MEGF11: variants seen among roughly 807,000 people sequenced by gnomAD.
The protein encoded by MEGF11 is multiple epidermal growth factor-like domains protein 11.
MEGF11 carries 126 observed loss-of-function variants against 146.6 expected under a neutral mutation model. The observed-to-expected ratio is 0.86, with a 90% CI of 0.74 to 1.00. The LOEUF (loss-of-function observed/expected upper bound fraction) is 1.00. Ranked by LOEUF, MEGF11 falls within the 50% of genes least tolerant of loss-of-function variation. The pLI is 0.00. For missense variants in MEGF11, 1,509 were observed against 1,521.2 expected, an observed-to-expected ratio of 0.99 and a Z score of 0.13; for synonymous variants, 532 against 583.4, an observed-to-expected ratio of 0.91 and a Z score of 1.27.
chr15:66,158,073 C>T (rs866800873), intron 1 of MEGF11, among the ~76,000 whole-genome samples: 3 of 152,136 alleles, frequency 2.0e-5, no homozygotes, highest in Admixed American at 2.0e-4. Context: ...TGTTCACTTG[C>T]GTGAATGACT....
At chr15:66,170,896 C>T (rs1486980971) in intron 1 of MEGF11, among the ~76,000 whole-genome samples, 1 of 152,200 alleles carries the variant, frequency 6.6e-6, no homozygotes, top group Non-Finnish European at 1.5e-5. Flanking sequence ...GGCTCACTCC[C>T]CACCAGGGCA....
At chr15:66,102,306 G>C (rs993458990) in intron 4 of MEGF11, among the ~76,000 whole-genome samples, 5 of 150,184 alleles carry the variant, frequency 3.3e-5, no homozygotes, top group African/African-American at 1.2e-4. Context: ...GCATGTCCTA[G>C]AGCAAGCAGA....
chr15:66,152,751 G>A (rs892715023), intron 1 of MEGF11, among the ~76,000 whole-genome samples: 1 of 152,226 alleles, frequency 6.6e-6, no homozygotes, highest in Non-Finnish European at 1.5e-5. Context: ...TGTGGCCTGT[G>A]GATGCACATG....
chr15:65,992,450 T>TTTG (rs1555459370), intron 5 of MEGF11, among the ~76,000 whole-genome samples: 2 of 126,554 alleles, frequency 1.6e-5, no homozygotes, highest in African/African-American at 6.1e-5. Context: ...TGTGTGTGTG[T>TTTG]GGGGGGGGGG....
chr15:65,925,699 T>C (rs924583419), intron 13 of MEGF11, among the ~76,000 whole-genome samples: 3 of 152,080 alleles, frequency 2.0e-5, no homozygotes, highest in African/African-American at 7.2e-5. Flanking sequence ...TTTTCAGGAC[T>C]CCTCCCCACC....
At chr15:66,103,182 C>T (rs2140783789) in intron 4 of MEGF11, among the ~76,000 whole-genome samples, 1 of 152,342 alleles carries the variant, frequency 6.6e-6, no homozygotes, top group African/African-American at 2.4e-5. Flanking sequence ...CCGGCAGCTG[C>T]AGCCATATCC....
At chr15:66,250,169 T>G (rs2092351260) in intron 1 of MEGF11, among the ~76,000 whole-genome samples, 1 of 152,206 alleles carries the variant, frequency 6.6e-6, no homozygotes, top group Non-Finnish European at 1.5e-5. Flanking sequence ...TGGCAGAAGA[T>G]CTGCACAGCA....
intron 13 of MEGF11, among the ~76,000 whole-genome samples, chr15:65,927,508 A>G (rs2079413316): frequency 6.6e-6 from 1 of 152,230 alleles, no homozygotes; most frequent in Admixed American, 6.5e-5. Flanking sequence ...TTTAAGTACC[A>G]CAATAGGAAA....
At chr15:66,068,329 G>A (rs1256936872) in intron 5 of MEGF11, among the ~76,000 whole-genome samples, 1 of 152,134 alleles carries the variant, frequency 6.6e-6, no homozygotes, top group Non-Finnish European at 1.5e-5. Flanking sequence ...TTTGAAGTGG[G>A]ATAACCCTTG....
chr15:65,964,056 C>T (rs1210674363), intron 9 of MEGF11, among the ~76,000 whole-genome samples: 1 of 152,242 alleles, frequency 6.6e-6, no homozygotes, highest in Non-Finnish European at 1.5e-5. Context: ...GCTCCCCTGA[C>T]CTTCATCACC....
At chr15:66,124,067 G>A in intron 2 of MEGF11, 67 bp from the exon 3 acceptor site, 3 of 1,322,390 alleles carry the variant, frequency 2.3e-6, no homozygotes, top group Non-Finnish European at 2.2e-6. Flanking sequence ...ATTCCGCAGG[G>A]CATCTGAGCC....
At chr15:66,213,598 T>G (rs2091514414) in intron 1 of MEGF11, among the ~76,000 whole-genome samples, 1 of 144,386 alleles carries the variant, frequency 6.9e-6, no homozygotes, top group East Asian at 2.0e-4. Flanking sequence ...TTTTTTTTTG[T>G]AGAGAAGGGG....
chr15:66,240,974 G>A (rs537454251), intron 1 of MEGF11, among the ~76,000 whole-genome samples: 5 of 152,236 alleles, frequency 3.3e-5, no homozygotes, highest in African/African-American at 9.6e-5. Flanking sequence ...GCCCAGCCCC[G>A]TGGCCCCTCC....
At chr15:65,904,858 A>G (rs1225471813) in intron 24 of MEGF11, among the ~76,000 whole-genome samples, 2 of 152,132 alleles carry the variant, frequency 1.3e-5, no homozygotes. Context: ...TAGATTTAGG[A>G]TATGCATTGG....
At chr15:66,060,605 C>T (rs1328523036) in intron 5 of MEGF11, among the ~76,000 whole-genome samples, 1 of 152,216 alleles carries the variant, frequency 6.6e-6, no homozygotes. Context: ...GGCAAATGAC[C>T]CTCTGTCCTC....
In MEGF11 at chr15:65,980,926, A is replaced by G. The variant is rs1266388484; in HGVS notation, c.642-28T>C. The G allele has an allele frequency of 2.6e-6, 4 of 1,538,878 alleles. No homozygotes were observed. In the South Asian group the frequency reaches 3.8e-5, roughly 15 times the overall value. ...GCATGGAGAAGCAGAGGTGTTAGAC[A>G]CAGCAGCATTCAGATCAGGTGGCAG... On this transcript the variant is annotated intron_variant, in intron 6 of 25. Coordinates refer to ENST00000395614, the MANE Select transcript of MEGF11 (RefSeq NM_001385028.1).
intron 1 of MEGF11, among the ~76,000 whole-genome samples, chr15:66,223,885 T>C (rs2140172087): frequency 6.6e-6 from 1 of 152,344 alleles, no homozygotes; most frequent in African/African-American, 2.4e-5. Flanking sequence ...TGAGCCCCAG[T>C]GGCCCGAACT....
intron 5 of MEGF11, among the ~76,000 whole-genome samples, chr15:66,008,439 A>G (rs435909): frequency 0.71 from 105,853 of 149,392 alleles, 38,107 homozygotes; most frequent in Non-Finnish European, 0.79. Flanking sequence ...ACACACACAC[A>G]CACACACACA....
intron 1 of MEGF11, among the ~76,000 whole-genome samples, chr15:66,192,256 C>T (rs955607639): frequency 6.6e-6 from 1 of 151,476 alleles, no homozygotes; most frequent in Non-Finnish European, 1.5e-5. Flanking sequence ...TCACTTGAGG[C>T]CAGGAATTGG....
Sources: gnomAD v4.1 joint callset for allele counts (sites outside exome capture counted in the v4.1 genomes callset) on GRCh38, gnomAD v4.1.1 for gene constraint, MANE v1.5 for transcripts, NCBI Gene and HGNC (gene_info 2026-07-23, HGNC 2026-07-21) for gene names.